Variants in KLF17 observed in about 807,000 individuals in gnomAD.
KLF17 encodes the protein Krueppel-like factor 17.
KLF17 carries 31 observed loss-of-function variants against 34.2 expected under a neutral mutation model. That is an observed-to-expected ratio of 0.91 (90% CI 0.68 to 1.22). KLF17 has a LOEUF of 1.22. Ranked by LOEUF, KLF17 falls within the 50% of genes most tolerant of loss-of-function variation. The pLI, the probability that KLF17 is intolerant of heterozygous loss-of-function variation, is 0.00. For synonymous variants in KLF17, 179 were observed against 186.7 expected (o/e 0.96, Z 0.34); for missense variants, 478 against 505.2 (o/e 0.95, Z 0.52).
the KLF17 span, among the ~76,000 whole-genome samples, chr1:44,105,980 A>G: frequency 6.6e-6 from 1 of 152,088 alleles, no homozygotes; most frequent in African/African-American, 2.4e-5. Flanking sequence ...CCTGGGCAAC[A>G]TAGTGAGATC....
At chr1:44,099,963 A>G in the KLF17 span, among the ~76,000 whole-genome samples, 34,560 of 122,906 alleles carry the variant, frequency 0.28, 7,503 homozygotes, top group Middle Eastern at 0.33. Context: ...TGGGCTGGGC[A>G]CCGTTGCTCA....
At chr1:44,086,552 A>C in the KLF17 span, among the ~76,000 whole-genome samples, 1 of 152,222 alleles carries the variant, frequency 6.6e-6, no homozygotes, top group East Asian at 1.9e-4. Context: ...GGAAGGGGGA[A>C]TAAGAAAAAG....
At chr1:44,066,990 T>G in the KLF17 span, among the ~76,000 whole-genome samples, 1 of 152,294 alleles carries the variant, frequency 6.6e-6, no homozygotes, top group Middle Eastern at 3.4e-3. Context: ...ATAGATGACG[T>G]TCTCAAATAG....
chr1:44,099,351 C>T, the KLF17 span, among the ~76,000 whole-genome samples: 1 of 152,248 alleles, frequency 6.6e-6, no homozygotes, highest in South Asian at 2.1e-4. Context: ...TTGCAGTGAA[C>T]TGTGATCATG....
intron 1 of KLF17, chr1:44,122,191 G>A (rs986585183): frequency 6.9e-5 from 110 of 1,597,996 alleles, no homozygotes; most frequent in Middle Eastern, 2.0e-4. Flanking sequence ...CCACGGCCAC[G>A]TCCTCTTCCT....
the KLF17 span, chr1:44,075,113 GCACACACACACA>G: frequency 7.7e-4 from 113 of 146,522 alleles, no homozygotes; most frequent in African/African-American, 2.6e-3. Context: ...CTAACAAAAT[GCACACACACACA>G]CACACACACA....
the KLF17 span, among the ~76,000 whole-genome samples, chr1:44,080,713 A>ATTTTTTTTTTTTTTTTTTTTTTTT: frequency 2.2e-5 from 2 of 92,674 alleles, no homozygotes; most frequent in Non-Finnish European, 4.0e-5. Context: ...ATTATATTGA[A>ATTTTTTTTTTTTTTTTTTTTTTTT]TTTTTTTTTT....
chr1:44,079,614 T>C, the KLF17 span, among the ~76,000 whole-genome samples: 1 of 152,086 alleles, frequency 6.6e-6, no homozygotes, highest in Non-Finnish European at 1.5e-5. Flanking sequence ...TAGTAATTCT[T>C]TATATTAAAA....
the KLF17 span, chr1:44,045,130 G>A: frequency 6.6e-6 from 1 of 152,244 alleles, no homozygotes; most frequent in Non-Finnish European, 1.5e-5. Flanking sequence ...CTGGAGGAAG[G>A]ACAGGCTGTT....
the KLF17 span, among the ~76,000 whole-genome samples, chr1:44,096,856 C>A: frequency 0.33 from 49,387 of 151,842 alleles, 8,178 homozygotes; most frequent in South Asian, 0.38. Flanking sequence ...TCAATTTTGG[C>A]TTTTGTTGCC....
In KLF17 at chr1:44,129,403, C is replaced by T. The variant is rs1325698308; in HGVS notation, c.132C>T (p.Ser44=). The stretch of plus-strand genomic sequence containing the variant: ...TGAACATGTCTTCATCTTCTGGAAG[C>T]TCTGGAGTGCACACCTCTTGGAACC... ...PILNMSSSSG[S]SGVHTSWNQG... is the part of the protein sequence containing the mutation. The change falls in exon 2 of 4, where the codon AGC becomes AGT. Residue 44 remains serine, a synonymous_variant. Transcript: ENST00000372299. The T allele has an allele frequency of 1.3e-6, 2 of 1,544,006 alleles. No homozygotes were observed. The highest frequency in any genetic ancestry group is 1.4e-5 in the African/African-American group (1 of 72,526).
the KLF17 span, among the ~76,000 whole-genome samples, chr1:44,087,501 TG>T: frequency 6.6e-6 from 1 of 151,656 alleles, no homozygotes; most frequent in Non-Finnish European, 1.5e-5. Flanking sequence ...TGACCTCAAA[TG>T]ATCCTCCCAC....
intron 3 of KLF17, among the ~76,000 whole-genome samples, chr1:44,131,395 C>T (rs1323668655): frequency 5.9e-5 from 9 of 152,178 alleles, no homozygotes; most frequent in Non-Finnish European, 1.3e-4. Flanking sequence ...CCTTTGCTTG[C>T]TACATAAAAT....
intron 2 of KLF17, 58 bp from the exon 3 acceptor site, chr1:44,130,454 G>T: frequency 6.2e-7 from 1 of 1,606,886 alleles, no homozygotes. Flanking sequence ...GCCTCACAGA[G>T]TTAGACCCCT....
the KLF17 span, among the ~76,000 whole-genome samples, chr1:44,057,611 G>A: frequency 9.9e-5 from 15 of 152,142 alleles, no homozygotes; most frequent in Non-Finnish European, 1.8e-4. Context: ...AAATTAAATG[G>A]GCAGAATAGA....
chr1:44,084,939 AAAG>A, the KLF17 span, among the ~76,000 whole-genome samples: 1 of 151,492 alleles, frequency 6.6e-6, no homozygotes, highest in Non-Finnish European at 1.5e-5. Flanking sequence ...AAAAAAAAAA[AAAG>A]AATTACCAAG....
At chr1:44,111,412 T>C in the KLF17 span, among the ~76,000 whole-genome samples, 1 of 152,150 alleles carries the variant, frequency 6.6e-6, no homozygotes, top group South Asian at 2.1e-4. Flanking sequence ...TTTTGCATGT[T>C]TTAAAGCTTT....
the KLF17 span, among the ~76,000 whole-genome samples, chr1:44,062,341 G>A: frequency 6.6e-6 from 1 of 152,086 alleles, no homozygotes; most frequent in African/African-American, 2.4e-5. Context: ...GCCTATATCT[G>A]TATCTATATC....
At chr1:44,067,652 C>G in the KLF17 span, among the ~76,000 whole-genome samples, 1 of 152,100 alleles carries the variant, frequency 6.6e-6, no homozygotes, top group South Asian at 2.1e-4. Flanking sequence ...CCCTTTGTAC[C>G]CCAGAGAGGG....
Sources: allele counts gnomAD v4.1 joint callset (sites outside exome capture counted in the v4.1 genomes callset), GRCh38; gene constraint gnomAD v4.1.1; transcripts MANE v1.5; gene names NCBI Gene and HGNC (gene_info 2026-07-23, HGNC 2026-07-21).